KCTD16: variants seen among roughly 807,000 people sequenced by gnomAD.
KCTD16 encodes the protein potassium channel tetramerization domain containing 16.
Under a neutral mutation model 33.2 loss-of-function variants are expected in KCTD16, and 13 were observed. The observed-to-expected ratio is 0.39, with a 90% CI of 0.25 to 0.62. KCTD16 has a LOEUF of 0.62. Among genes scored for constraint, KCTD16 ranks in the 20% least tolerant of loss-of-function variants. KCTD16 has a pLI of 0.50. For synonymous variants in KCTD16, 197 were observed against 195.3 expected, an observed-to-expected ratio of 1.01 and a Z score of -0.07; for missense variants, 441 against 525.1, an observed-to-expected ratio of 0.84 and a Z score of 1.57.
intron 3 of KCTD16, among the ~76,000 whole-genome samples, chr5:144,299,014 A>C (rs1756124901): frequency 7.4e-6 from 1 of 135,912 alleles, no homozygotes; most frequent in South Asian, 2.4e-4. Flanking sequence ...CAGGAATAAA[A>C]AAAATGCTAT....
intron 3 of KCTD16, among the ~76,000 whole-genome samples, chr5:144,212,623 C>T (rs973895956): frequency 2.0e-5 from 3 of 152,244 alleles, no homozygotes; most frequent in Admixed American, 6.5e-5. Context: ...CGGAAAGGAG[C>T]GACTACGCAT....
At chr5:144,387,053 G>C (rs1487025735) in intron 3 of KCTD16, among the ~76,000 whole-genome samples, 1 of 151,810 alleles carries the variant, frequency 6.6e-6, no homozygotes, top group Non-Finnish European at 1.5e-5. Context: ...TGCAGCCTCA[G>C]TCTCCCAGGC....
At chr5:144,397,372 C>G (rs1383268918) in intron 3 of KCTD16, among the ~76,000 whole-genome samples, 1 of 151,992 alleles carries the variant, frequency 6.6e-6, no homozygotes, top group Non-Finnish European at 1.5e-5. Flanking sequence ...TGAGTAGTGC[C>G]GCAATAAACA....
At chr5:144,417,365 G>T (rs970921696) in intron 3 of KCTD16, among the ~76,000 whole-genome samples, 3 of 152,034 alleles carry the variant, frequency 2.0e-5, no homozygotes, top group Non-Finnish European at 4.4e-5. Flanking sequence ...TTTCCCTAAT[G>T]ACTAATGAAA....
chr5:144,434,953 G>A (rs1381621914), intron 3 of KCTD16, among the ~76,000 whole-genome samples: 1 of 152,118 alleles, frequency 6.6e-6, no homozygotes, highest in Non-Finnish European at 1.5e-5. Context: ...AGTTCTTTCT[G>A]TCCCTTCAAA....
intron 3 of KCTD16, among the ~76,000 whole-genome samples, chr5:144,435,502 TG>T (rs1561606865): frequency 6.6e-6 from 1 of 152,238 alleles, no homozygotes; most frequent in African/African-American, 2.4e-5. Flanking sequence ...GTGAACATAC[TG>T]TAAGTATCAG....
chr5:144,275,644 T>C (rs1755419137), intron 3 of KCTD16, among the ~76,000 whole-genome samples: 1 of 152,152 alleles, frequency 6.6e-6, no homozygotes, highest in African/African-American at 2.4e-5. Flanking sequence ...AAAACAAAAT[T>C]AGTTTTAATT....
rs372698259 is a variant in KCTD16 at position 144,237,808 on chromosome 5, A to G, written c.832+30262A>G. On this transcript the variant is annotated intron_variant, in intron 3 of 3. Transcript: ENST00000512467. ...CCCACAGCAGAACTTAGCACAAGGG[A>G]TCTGTAAGACCCACACTAAGTTCAG... Among the ~76,000 whole-genome samples, 11 of 152,252 alleles carry G rather than the reference A, an allele frequency of 7.2e-5. No individual in the cohort carries two copies. The East Asian group carries it at 1.4e-3, about 19-fold the overall frequency.
At chr5:144,268,742 A>T (rs1465730014) in intron 3 of KCTD16, among the ~76,000 whole-genome samples, 1 of 152,170 alleles carries the variant, frequency 6.6e-6, no homozygotes, top group Non-Finnish European at 1.5e-5. Context: ...ATTAAACAAC[A>T]GAAACTGTTC....
intron 3 of KCTD16, among the ~76,000 whole-genome samples, chr5:144,383,424 T>C (rs1752257254): frequency 6.6e-6 from 1 of 152,138 alleles, no homozygotes; most frequent in South Asian, 2.1e-4. Flanking sequence ...GGATCTCTTG[T>C]TTTCTCCCTA....
At chr5:144,407,607 C>T (rs1752840260) in intron 3 of KCTD16, among the ~76,000 whole-genome samples, 1 of 151,912 alleles carries the variant, frequency 6.6e-6, no homozygotes, top group Admixed American at 6.6e-5. Flanking sequence ...TATACATGTG[C>T]CGTGGTAGTT....
chr5:144,334,268 A>G (rs558377105), intron 3 of KCTD16, among the ~76,000 whole-genome samples: 7 of 152,226 alleles, frequency 4.6e-5, no homozygotes, highest in Non-Finnish European at 7.3e-5. Flanking sequence ...TCTTGGACAC[A>G]TAAAGGATGG....
At chr5:144,470,136 T>C (rs1754436915) in intron 3 of KCTD16, among the ~76,000 whole-genome samples, 1 of 152,134 alleles carries the variant, frequency 6.6e-6, no homozygotes, top group South Asian at 2.1e-4. Flanking sequence ...CTAAGGTATT[T>C]ATGAGATCGT....
chr5:144,306,617 G>A (rs143928621), intron 3 of KCTD16, among the ~76,000 whole-genome samples: 1 of 152,278 alleles, frequency 6.6e-6, no homozygotes, highest in East Asian at 1.9e-4. Context: ...TTTCCCCTGG[G>A]CCTCATTGGC....
intron 3 of KCTD16, among the ~76,000 whole-genome samples, chr5:144,390,709 A>C (rs1272679006): frequency 6.6e-6 from 1 of 151,366 alleles, no homozygotes; most frequent in African/African-American, 2.4e-5. Context: ...CCGGTGTGTG[A>C]TGTTCCCCTC....
At chr5:144,241,234 T>C (rs935666190) in intron 3 of KCTD16, among the ~76,000 whole-genome samples, 1 of 152,120 alleles carries the variant, frequency 6.6e-6, no homozygotes, top group Non-Finnish European at 1.5e-5. Flanking sequence ...TAAAAAACAC[T>C]CCAAGTAATG....
At chr5:144,376,866 G>A (rs1366698312) in intron 3 of KCTD16, among the ~76,000 whole-genome samples, 2 of 152,320 alleles carry the variant, frequency 1.3e-5, no homozygotes, top group Middle Eastern at 6.8e-3. Flanking sequence ...GTAAAGATGA[G>A]AACTGGTGAA....
chr5:144,434,237 G>A (rs1753529282), intron 3 of KCTD16, among the ~76,000 whole-genome samples: 1 of 151,976 alleles, frequency 6.6e-6, no homozygotes, highest in South Asian at 2.1e-4. Context: ...TTACCTTTCT[G>A]GGTGGTTTTT....
intron 3 of KCTD16, among the ~76,000 whole-genome samples, chr5:144,469,626 G>A (rs1754424914): frequency 6.6e-6 from 1 of 152,124 alleles, no homozygotes; most frequent in Admixed American, 6.6e-5. Flanking sequence ...TGAAGAGAAT[G>A]CTGTTAACAG....
Sources: allele counts gnomAD v4.1 joint callset (sites outside exome capture counted in the v4.1 genomes callset), GRCh38; gene constraint gnomAD v4.1.1; transcripts MANE v1.5; gene names NCBI Gene and HGNC (gene_info 2026-07-23, HGNC 2026-07-21).